The following FAM193A variants were observed in gnomAD, a reference collection of about 807,000 sequenced individuals.
FAM193A encodes protein FAM193A.
FAM193A carries 22 observed loss-of-function variants against 126.5 expected under a neutral mutation model. The observed-to-expected ratio is 0.17, with a 90% confidence interval of 0.12 to 0.25. The LOEUF (loss-of-function observed/expected upper bound fraction) is 0.25, where lower values mean the gene tolerates loss of function less well. FAM193A is among the 10% of genes least tolerant of loss of function. The pLI is 1.00. For synonymous variants in FAM193A, 761 were observed against 646.8 expected (o/e 1.18, Z -2.68); for missense variants, 1,675 against 1,672.8 (o/e 1.00, Z -0.02).
intron 1 of FAM193A, among the ~76,000 whole-genome samples, chr4:2,591,311 A>G (rs1428328390): frequency 6.6e-6 from 1 of 152,164 alleles, no homozygotes; most frequent in Non-Finnish European, 1.5e-5. Context: ...TTGCAAGAAC[A>G]CACTGACCAA....
intron 2 of FAM193A, among the ~76,000 whole-genome samples, chr4:2,609,886 G>A (rs1007624056): frequency 4.0e-5 from 6 of 150,996 alleles, no homozygotes; most frequent in African/African-American, 7.3e-5. Context: ...CTGAGATGGC[G>A]CTACAGCACT....
intron 13 of FAM193A, among the ~76,000 whole-genome samples, chr4:2,688,080 A>G (rs189777249): frequency 2.2e-4 from 34 of 152,308 alleles, no homozygotes; most frequent in Non-Finnish European, 4.3e-4. Context: ...CAGGTTGCCC[A>G]TAACTGGGCA....
At chr4:2,540,817 C>T (rs13147429) in intron 1 of FAM193A, among the ~76,000 whole-genome samples, 78,472 of 151,106 alleles carry the variant, frequency 0.52, 20,726 homozygotes, top group East Asian at 0.58. Flanking sequence ...AAAGAATAGC[C>T]GGGAATAGTG....
chr4:2,704,564 GA>G (rs1213681381), intron 19 of FAM193A, among the ~76,000 whole-genome samples: 3 of 150,024 alleles, frequency 2.0e-5, no homozygotes, highest in African/African-American at 4.9e-5. Flanking sequence ...GACCCTATCT[GA>G]AAAAAAAATA....
At chr4:2,690,018 A>G (rs757805625) in intron 14 of FAM193A, among the ~76,000 whole-genome samples, 20 of 152,194 alleles carry the variant, frequency 1.3e-4, no homozygotes, top group Non-Finnish European at 2.6e-4. Flanking sequence ...CCGGCCTTCA[A>G]TTCTCGAGCA....
At chr4:2,728,895 A>ATTTTTTTTTTTTTTTTTTTTTTTTTTTTT (rs1491485597) in intron 20 of FAM193A, among the ~76,000 whole-genome samples, 1 of 105,710 alleles carries the variant, frequency 9.5e-6, no homozygotes. Flanking sequence ...CACCTCCAAA[A>ATTTTTTTTTTTTTTTTTTTTTTTTTTTTT]CTTTTTTTTT....
intron 1 of FAM193A, among the ~76,000 whole-genome samples, chr4:2,595,295 C>T (rs1740795887): frequency 6.6e-6 from 1 of 152,224 alleles, no homozygotes; most frequent in South Asian, 2.1e-4. Flanking sequence ...ATGATCATCT[C>T]ACCTCTGCCT....
At chr4:2,536,368 C>G (rs1315125608), upstream of FAM193A, among the ~76,000 whole-genome samples, 1 of 151,842 alleles carries the variant, frequency 6.6e-6, no homozygotes, top group Non-Finnish European at 1.5e-5. Context: ...ATCCAGCTCC[C>G]TGGCCCCAGC....
chr4:2,595,976 G>A (rs1295728458), intron 1 of FAM193A, 108 bp from the exon 2 acceptor site: 23 of 602,070 alleles, frequency 3.8e-5, no homozygotes, highest in Admixed American at 1.2e-4. Context: ...TTATGTTTCT[G>A]TATATAAACA....
chr4:2,565,073 G>T (rs1738854644), intron 1 of FAM193A, among the ~76,000 whole-genome samples: 1 of 152,002 alleles, frequency 6.6e-6, no homozygotes, highest in Non-Finnish European at 1.5e-5. Context: ...TACTGGGGGA[G>T]TATAGGAGTG....
At chr4:2,716,338 T>C (rs910283335) in intron 20 of FAM193A, among the ~76,000 whole-genome samples, 4 of 152,172 alleles carry the variant, frequency 2.6e-5, no homozygotes, top group Non-Finnish European at 5.9e-5. Flanking sequence ...AGAAAAATAG[T>C]TGATGGCAGT....
At chr4:2,694,553 C>T (rs1716814775) in intron 16 of FAM193A, among the ~76,000 whole-genome samples, 2 of 152,144 alleles carry the variant, frequency 1.3e-5, no homozygotes, top group African/African-American at 4.8e-5. Context: ...AGACGTGAGC[C>T]ACTGCACCTG....
intron 1 of FAM193A, among the ~76,000 whole-genome samples, chr4:2,554,124 A>T (rs928009643): frequency 1.3e-5 from 2 of 152,024 alleles, no homozygotes; most frequent in African/African-American, 4.8e-5. Context: ...TTACTCTGTC[A>T]CCCAGGCTGG....
At chr4:2,706,632 T>G (rs1368883192) in intron 19 of FAM193A, among the ~76,000 whole-genome samples, 2 of 151,820 alleles carry the variant, frequency 1.3e-5, no homozygotes, top group Non-Finnish European at 2.9e-5. Flanking sequence ...CTTGGGTCTG[T>G]TTCTGGAATT....
intron 1 of FAM193A, among the ~76,000 whole-genome samples, chr4:2,548,658 T>C (rs1737717823): frequency 6.6e-6 from 1 of 151,816 alleles, no homozygotes; most frequent in Non-Finnish European, 1.5e-5. Flanking sequence ...GGTTTCACCA[T>C]ATTGGCCATG....
intron 1 of FAM193A, among the ~76,000 whole-genome samples, chr4:2,594,943 G>T (rs1010191275): frequency 7.0e-6 from 1 of 143,876 alleles, no homozygotes; most frequent in East Asian, 2.2e-4. Context: ...ATTCTCCTGC[G>T]TCAGCCTCCT....
At chr4:2,605,159 G>A (rs1448056438) in intron 2 of FAM193A, among the ~76,000 whole-genome samples, 1 of 151,944 alleles carries the variant, frequency 6.6e-6, no homozygotes, top group African/African-American at 2.4e-5. Flanking sequence ...TACTGTAATG[G>A]TTAATATATG....
chr4:2,549,774 C>G (rs1204904475), intron 1 of FAM193A, among the ~76,000 whole-genome samples: 1 of 151,944 alleles, frequency 6.6e-6, no homozygotes. Context: ...GTCTCCCAGG[C>G]TGGGGTGCAG....
At chr4:2,583,558 T>C (rs1740071935) in intron 1 of FAM193A, among the ~76,000 whole-genome samples, 1 of 152,190 alleles carries the variant, frequency 6.6e-6, no homozygotes, top group Non-Finnish European at 1.5e-5. Flanking sequence ...CTTTGCTTCT[T>C]CGGGCTCTTT....
Sources: gnomAD v4.1 joint callset for allele counts (sites outside exome capture counted in the v4.1 genomes callset) on GRCh38, gnomAD v4.1.1 for gene constraint, MANE v1.5 for transcripts, NCBI Gene and HGNC (gene_info 2026-07-23, HGNC 2026-07-21) for gene names.